SEMA6D: variants seen among roughly 807,000 people sequenced by gnomAD.
SEMA6D encodes the protein semaphorin 6D, also known as semaphorin-6D.
In SEMA6D, 35 loss-of-function variants were observed where a neutral mutation model predicts 106.6. The ratio of observed to expected loss-of-function variants is 0.33; its 90% CI spans 0.25 to 0.44. SEMA6D has a LOEUF of 0.44. SEMA6D is among the 20% of genes least tolerant of loss of function. The pLI, the probability that SEMA6D is intolerant of heterozygous loss-of-function variation, is 1.00. For missense variants in SEMA6D, 1,185 were observed against 1,345.9 expected, an observed-to-expected ratio of 0.88 and a Z score of 1.87; for synonymous variants, 499 against 487.7, an observed-to-expected ratio of 1.02 and a Z score of -0.31.
intron 3 of SEMA6D, among the ~76,000 whole-genome samples, chr15:47,572,693 A>C (rs1316198680): frequency 6.6e-6 from 1 of 152,238 alleles, no homozygotes; most frequent in African/African-American, 2.4e-5. Flanking sequence ...ACTTTCTTCC[A>C]ATACAAGAAA....
intron 3 of SEMA6D, among the ~76,000 whole-genome samples, chr15:47,529,603 T>TAAAAAAAAAA (rs67339779): frequency 1.5e-5 from 2 of 135,752 alleles, no homozygotes; most frequent in African/African-American, 2.7e-5. Context: ...TCTGTAGCAC[T>TAAAAAAAAAA]AAAAAAAAAA....
At chr15:47,589,826 G>A (rs74013823) in intron 3 of SEMA6D, among the ~76,000 whole-genome samples, 1,576 of 152,308 alleles carry the variant, frequency 0.01, 32 homozygotes, top group African/African-American at 0.036. Flanking sequence ...AGTAGGTTGA[G>A]TAGATTTGAG....
At chr15:47,323,985 CAAAA>C (rs11299568) in intron 1 of SEMA6D, among the ~76,000 whole-genome samples, 1 of 143,090 alleles carries the variant, frequency 7.0e-6, no homozygotes. Flanking sequence ...ATACAAGTGG[CAAAA>C]AAAAAAAAAA....
chr15:47,380,991 A>T (rs1298972811), intron 1 of SEMA6D, among the ~76,000 whole-genome samples: 1 of 152,220 alleles, frequency 6.6e-6, no homozygotes, highest in Non-Finnish European at 1.5e-5. Context: ...GAAAATTAAA[A>T]CAGCTGCAAT....
intron 4 of SEMA6D, among the ~76,000 whole-genome samples, chr15:47,699,560 C>G (rs1324152236): frequency 6.6e-6 from 1 of 152,196 alleles, no homozygotes; most frequent in Non-Finnish European, 1.5e-5. Context: ...ATACTGAAAA[C>G]ATAAGCTACC....
At chr15:47,630,413 G>C (rs1025459489) in intron 4 of SEMA6D, among the ~76,000 whole-genome samples, 26 of 151,764 alleles carry the variant, frequency 1.7e-4, no homozygotes, top group African/African-American at 5.8e-4. Flanking sequence ...TATCCACATT[G>C]TTCGTTGTTA....
upstream of SEMA6D, among the ~76,000 whole-genome samples, chr15:47,714,357 ACTTAC>A (rs147421955): frequency 1.6e-3 from 245 of 152,340 alleles, no homozygotes; most frequent in Non-Finnish European, 2.6e-3. Context: ...TAATAATAGT[ACTTAC>A]CTTGTAGCAT....
At chr15:47,487,143 A>G (rs1419101148) in intron 3 of SEMA6D, among the ~76,000 whole-genome samples, 1 of 152,226 alleles carries the variant, frequency 6.6e-6, no homozygotes, top group Non-Finnish European at 1.5e-5. Flanking sequence ...AACAATATAC[A>G]GATACATAGA....
chr15:47,554,925 T>C (rs1777362603), intron 3 of SEMA6D, among the ~76,000 whole-genome samples: 1 of 152,328 alleles, frequency 6.6e-6, no homozygotes, highest in African/African-American at 2.4e-5. Flanking sequence ...TTTATAATTA[T>C]ACAGAAAGAT....
intron 4 of SEMA6D, among the ~76,000 whole-genome samples, chr15:47,655,601 A>T (rs1029263331): frequency 1.4e-4 from 21 of 152,222 alleles, no homozygotes; most frequent in African/African-American, 4.6e-4. Context: ...ATGAATTATA[A>T]GTTCATTATT....
chr15:47,494,741 GATATATATATATATATATATATATAT>G (rs202139404), intron 3 of SEMA6D, among the ~76,000 whole-genome samples: 639 of 32,998 alleles, frequency 0.019, 37 homozygotes, highest in Admixed American at 0.13. Context: ...GTGGGATGGA[GATATATATATATATATATATATATAT>G]ATATATATAT....
chr15:47,189,196 C>G (rs1326425963), intron 1 of SEMA6D, among the ~76,000 whole-genome samples: 1 of 152,122 alleles, frequency 6.6e-6, no homozygotes, highest in Admixed American at 6.5e-5. Context: ...CTTGATTCCT[C>G]TGTCTCTCTA....
At chr15:47,707,242 A>C (rs2078929895) in intron 4 of SEMA6D, among the ~76,000 whole-genome samples, 1 of 152,204 alleles carries the variant, frequency 6.6e-6, no homozygotes, top group Non-Finnish European at 1.5e-5. Flanking sequence ...ACACTTTAGC[A>C]GCAAATCTTG....
At chr15:47,621,993 A>G (rs1306774261) in intron 4 of SEMA6D, among the ~76,000 whole-genome samples, 1 of 152,156 alleles carries the variant, frequency 6.6e-6, no homozygotes, top group East Asian at 1.9e-4. Context: ...AGTGTGGGAT[A>G]GTAACCTGGA....
chr15:47,218,022 G>A (rs2030830017), intron 1 of SEMA6D, among the ~76,000 whole-genome samples: 1 of 151,682 alleles, frequency 6.6e-6, no homozygotes, highest in African/African-American at 2.4e-5. Flanking sequence ...TTCTTGATTG[G>A]GTCACTGACT....
intron 4 of SEMA6D, among the ~76,000 whole-genome samples, chr15:47,667,479 C>T (rs7178470): frequency 0.045 from 6,802 of 152,232 alleles, 554 homozygotes; most frequent in African/African-American, 0.16. Flanking sequence ...CACACTATCC[C>T]CTCTGCGGTA....
intron 3 of SEMA6D, among the ~76,000 whole-genome samples, chr15:47,508,000 C>T (rs772170823): frequency 4.7e-4 from 71 of 152,202 alleles, no homozygotes; most frequent in Admixed American, 1.4e-3. Flanking sequence ...GAGATTTAAA[C>T]TTCAGTTCTT....
At chr15:47,360,880 A>T (rs16959340) in intron 1 of SEMA6D, among the ~76,000 whole-genome samples, 1,856 of 152,330 alleles carry the variant, frequency 0.012, 45 homozygotes, top group African/African-American at 0.042. Context: ...TGTCAGAGGG[A>T]TATAGTGGAT....
chr15:47,272,077 T>G (rs56233069), intron 1 of SEMA6D, among the ~76,000 whole-genome samples: 1 of 151,966 alleles, frequency 6.6e-6, no homozygotes, highest in Non-Finnish European at 1.5e-5. Context: ...CAAAGCTGCT[T>G]AGAGCCAAGT....
Sources: gnomAD v4.1 joint callset for allele counts (sites outside exome capture counted in the v4.1 genomes callset) on GRCh38, gnomAD v4.1.1 for gene constraint, MANE v1.5 for transcripts, NCBI Gene and HGNC (gene_info 2026-07-23, HGNC 2026-07-21) for gene names.